CCSER1: variants seen among roughly 807,000 people sequenced by gnomAD.
CCSER1 encodes serine-rich coiled-coil domain-containing protein 1.
Under a neutral mutation model 82.0 loss-of-function variants are expected in CCSER1, and 41 were observed. The observed-to-expected ratio is 0.50, with a 90% CI of 0.39 to 0.65. The LOEUF is 0.65. CCSER1 is among the 30% of genes least tolerant of loss of function. CCSER1 has a pLI of 0.00. For missense variants in CCSER1, 1,119 were observed against 1,064.2 expected, an observed-to-expected ratio of 1.05 and a Z score of -0.72; for synonymous variants, 414 against 383.9, an observed-to-expected ratio of 1.08 and a Z score of -0.92.
At chr4:91,142,989 A>G (rs1729182976) in intron 10 of CCSER1, among the ~76,000 whole-genome samples, 1 of 152,056 alleles carries the variant, frequency 6.6e-6, no homozygotes, top group Non-Finnish European at 1.5e-5. Flanking sequence ...TCTGAATTTT[A>G]GAATAGTTTT....
At chr4:91,143,954 T>C (rs1185060763) in intron 10 of CCSER1, among the ~76,000 whole-genome samples, 7 of 152,044 alleles carry the variant, frequency 4.6e-5, no homozygotes, top group Non-Finnish European at 8.8e-5. Context: ...ATTGTGTCTT[T>C]GTCAGATTTT....
chr4:91,407,566 T>C (rs1299268267), intron 10 of CCSER1, among the ~76,000 whole-genome samples: 1 of 152,032 alleles, frequency 6.6e-6, no homozygotes, highest in East Asian at 1.9e-4. Flanking sequence ...AGAAAAGAGG[T>C]TTATTTGGCT....
chr4:91,453,161 A>G (rs1401408519), intron 10 of CCSER1, among the ~76,000 whole-genome samples: 1 of 152,014 alleles, frequency 6.6e-6, no homozygotes, highest in African/African-American at 2.4e-5. Context: ...GTTTGGTAGT[A>G]GTTCATGGTG....
At chr4:90,390,100 A>T (rs889389579) in intron 3 of CCSER1, among the ~76,000 whole-genome samples, 2 of 152,204 alleles carry the variant, frequency 1.3e-5, no homozygotes, top group Non-Finnish European at 2.9e-5. Flanking sequence ...AAGAAATTCA[A>T]ATGACATTTT....
intron 6 of CCSER1, among the ~76,000 whole-genome samples, chr4:90,688,848 C>A (rs1057165403): frequency 1.1e-4 from 16 of 152,180 alleles, no homozygotes; most frequent in African/African-American, 3.9e-4. Flanking sequence ...GATTCCGAGG[C>A]ATCTCAGTAT....
chr4:91,360,067 T>TA (rs2149311224), intron 10 of CCSER1, among the ~76,000 whole-genome samples: 1 of 151,950 alleles, frequency 6.6e-6, no homozygotes, highest in East Asian at 1.9e-4. Context: ...AAGCTATTTT[T>TA]AAGGGGGGAA....
intron 10 of CCSER1, among the ~76,000 whole-genome samples, chr4:91,126,883 A>T (rs1385014153): frequency 1.3e-5 from 2 of 151,994 alleles, no homozygotes; most frequent in Non-Finnish European, 2.9e-5. Flanking sequence ...GGGATTGAAG[A>T]TACAGGGCCT....
chr4:90,873,277 C>T (rs937573326), intron 8 of CCSER1, among the ~76,000 whole-genome samples: 5 of 151,566 alleles, frequency 3.3e-5, no homozygotes, highest in African/African-American at 1.2e-4. Context: ...ATTCTTTTTT[C>T]TTTTGCCTCC....
chr4:90,409,094 GAAAC>G (rs1252491516), intron 4 of CCSER1, among the ~76,000 whole-genome samples: 2 of 152,256 alleles, frequency 1.3e-5, no homozygotes, highest in Non-Finnish European at 2.9e-5. Context: ...AGAATAAAAA[GAAAC>G]AAACAAAGCC....
chr4:91,063,070 A>T (rs1314883954), intron 9 of CCSER1, among the ~76,000 whole-genome samples: 2 of 152,140 alleles, frequency 1.3e-5, no homozygotes, highest in Non-Finnish European at 2.9e-5. Flanking sequence ...TGAAAAACAG[A>T]TACCTAACTA....
intron 1 of CCSER1, among the ~76,000 whole-genome samples, chr4:90,191,113 A>C (rs1186926105): frequency 6.6e-6 from 1 of 151,962 alleles, no homozygotes; most frequent in Non-Finnish European, 1.5e-5. Flanking sequence ...ATTTCTGTTC[A>C]TAATGCATTA....
chr4:91,178,562 A>G (rs181944302), intron 10 of CCSER1, among the ~76,000 whole-genome samples: 5 of 152,158 alleles, frequency 3.3e-5, no homozygotes, highest in African/African-American at 1.2e-4. Context: ...CCATTATGTA[A>G]TGGCCTTCCT....
chr4:90,656,770 T>A (rs1157706688), intron 6 of CCSER1, among the ~76,000 whole-genome samples: 4 of 151,990 alleles, frequency 2.6e-5, no homozygotes, highest in Non-Finnish European at 5.9e-5. Flanking sequence ...TTATTCTATT[T>A]CCTCTTATTA....
rs145687215 is a variant in CCSER1 at position 90,293,230 on chromosome 4, T to C, written c.-41-15014T>C. 2.3e-3 allele frequency among the ~76,000 whole-genome samples: 353 copies of C among 151,766 alleles called. 1 individual carries two copies. The highest frequency in any genetic ancestry group is 8.0e-3 in the African/African-American group (332 of 41,504). On this transcript the variant is annotated intron_variant, in intron 1 of 10. Coordinates refer to ENST00000509176, the MANE Select transcript of CCSER1 (RefSeq NM_001145065.2). Reference sequence around the variant, plus strand: ...AAGAAACTATCAGAAAAATGAAAAATAAATTTGAATTGATATATATATGAG... The same window carrying C: ...AAGAAACTATCAGAAAAATGAAAAACAAATTTGAATTGATATATATATGAG...
chr4:91,158,640 GT>G (rs1731062887), intron 10 of CCSER1, among the ~76,000 whole-genome samples: 1 of 151,822 alleles, frequency 6.6e-6, no homozygotes, highest in Non-Finnish European at 1.5e-5. Context: ...GTGTGTGTGT[GT>G]GTGTGTCTCA....
At chr4:90,483,510 C>G (rs1263171369) in intron 5 of CCSER1, among the ~76,000 whole-genome samples, 1 of 152,152 alleles carries the variant, frequency 6.6e-6, no homozygotes, top group Non-Finnish European at 1.5e-5. Context: ...GTGGCTGGTA[C>G]CGGTTGTTCC....
chr4:90,910,012 A>G (rs1726088506), intron 8 of CCSER1, among the ~76,000 whole-genome samples: 1 of 152,238 alleles, frequency 6.6e-6, no homozygotes, highest in Admixed American at 6.5e-5. Flanking sequence ...AGGCCCTAAC[A>G]GGAAGCATGA....
At chr4:91,254,954 A>C (rs559056822) in intron 10 of CCSER1, among the ~76,000 whole-genome samples, 1 of 152,222 alleles carries the variant, frequency 6.6e-6, no homozygotes, top group Non-Finnish European at 1.5e-5. Flanking sequence ...TCATTCTATT[A>C]TCTCTATGAT....
chr4:90,843,942 T>A (rs926754863), intron 8 of CCSER1, among the ~76,000 whole-genome samples: 3 of 152,098 alleles, frequency 2.0e-5, no homozygotes, highest in Non-Finnish European at 2.9e-5. Flanking sequence ...ATAAAATGTA[T>A]ATTTTTTATA....
Sources: gnomAD v4.1 joint callset for allele counts (sites outside exome capture counted in the v4.1 genomes callset) on GRCh38, gnomAD v4.1.1 for gene constraint, MANE v1.5 for transcripts, NCBI Gene and HGNC (gene_info 2026-07-23, HGNC 2026-07-21) for gene names.